Variants in ACAD11 observed in about 807,000 individuals in gnomAD.
The protein encoded by ACAD11 is acyl-Coenzyme A dehydrogenase family, member 11.
ACAD11 carries 83 observed loss-of-function variants against 102.2 expected under a neutral mutation model. The ratio of observed to expected loss-of-function variants is 0.81; its 90% CI spans 0.68 to 0.97. ACAD11 has a LOEUF of 0.97. Ranked by LOEUF, ACAD11 falls within the 50% of genes least tolerant of loss-of-function variation. The pLI is 0.00. For missense variants in ACAD11, 901 were observed against 951.7 expected, an observed-to-expected ratio of 0.95 and a Z score of 0.70; for synonymous variants, 324 against 319.8, an observed-to-expected ratio of 1.01 and a Z score of -0.14.
intron 1 of ACAD11, chr3:132,648,378 A>T (rs1221678588): frequency 6.6e-6 from 1 of 152,244 alleles, no homozygotes; most frequent in African/African-American, 2.4e-5. Context: ...AGAGCTAGAA[A>T]ATTAAATAAA....
chr3:132,626,391 C>CA (rs796100994), intron 9 of ACAD11, among the ~76,000 whole-genome samples: 136 of 135,278 alleles, frequency 1.0e-3, no homozygotes, highest in South Asian at 1.4e-3. Flanking sequence ...TCCATATTTA[C>CA]AAAAAAAAAA....
chr3:132,623,645 T>C (rs1394286868), intron 9 of ACAD11, among the ~76,000 whole-genome samples: 1 of 152,220 alleles, frequency 6.6e-6, no homozygotes, highest in African/African-American at 2.4e-5. Context: ...CAATCTTCCC[T>C]TTAAAGCTAT....
chr3:132,578,661 T>C (rs1937556447), intron 15 of ACAD11, 135 bp downstream of exon 15: 2 of 928,438 alleles, frequency 2.2e-6, no homozygotes, highest in East Asian at 5.3e-5. Context: ...CCAGCATTTA[T>C]ATTAAGACAG....
chr3:132,578,964 T>C, intron 14 of ACAD11, 83 bp from the exon 15 acceptor site: 1 of 1,581,768 alleles, frequency 6.3e-7, no homozygotes, highest in Non-Finnish European at 8.6e-7. Context: ...CAATTGTCTT[T>C]TTGATGTTTT....
intron 1 of ACAD11, among the ~76,000 whole-genome samples, chr3:132,648,061 A>C (rs891057152): frequency 1.3e-4 from 20 of 152,160 alleles, no homozygotes; most frequent in African/African-American, 4.8e-4. Context: ...GGATTTCAAC[A>C]TATGAATTTT....
chr3:132,574,296 A>G (rs192166809), intron 17 of ACAD11, among the ~76,000 whole-genome samples: 16 of 152,278 alleles, frequency 1.1e-4, no homozygotes, highest in Admixed American at 4.6e-4. Flanking sequence ...CTTCTTCAAC[A>G]GCATCAGAGG....
Position 132,659,671 on chromosome 3 carries a change from G to GGC in ACAD11, c.79_80dup (p.Tyr28ProfsTer3). The GGC allele has an allele frequency of 6.2e-7, 1 of 1,611,488 alleles. No individual in the cohort carries two copies. Among genetic ancestry groups the GGC allele is most frequent in the East Asian group, 2.2e-5 (1 of 44,572 alleles). The stretch of plus-strand genomic sequence containing the variant: ...AGCCAGACAAGTGCTGGTTTAGGTA[G>GGC]GCCTCCAGGGACTTGCTGTCGAACT... On this transcript the variant is annotated frameshift_variant, in exon 1 of 20. Coordinates refer to ENST00000264990, the MANE Select transcript of ACAD11 (RefSeq NM_032169.5). LOFTEE classifies it high-confidence loss of function.
intron 17 of ACAD11, among the ~76,000 whole-genome samples, chr3:132,569,203 A>G (rs1937307178): frequency 6.6e-6 from 1 of 152,190 alleles, no homozygotes; most frequent in African/African-American, 2.4e-5. Context: ...CAAAGAGGAC[A>G]TAAGATGGCA....
Position 132,605,097 on chromosome 3 carries a change from C to T in ACAD11, c.1522+1G>A. 1 of 1,608,652 alleles carries T rather than the reference C, an allele frequency of 6.2e-7. No individual in the cohort carries two copies. Among genetic ancestry groups the T allele is most frequent in the East Asian group, 2.2e-5 (1 of 44,784 alleles). Reference sequence around the variant, plus strand: ...AGGAGAGAATGGTGATTGGCATTTACCTGTCATACAGAAGCAAGAGGTAAT... The same window carrying T: ...AGGAGAGAATGGTGATTGGCATTTATCTGTCATACAGAAGCAAGAGGTAAT... On this transcript the variant is annotated splice_donor_variant, in intron 12 of 19. Transcript: ENST00000264990. LOFTEE classifies it high-confidence loss of function.
intron 11 of ACAD11, among the ~76,000 whole-genome samples, chr3:132,610,912 C>T (rs569239878): frequency 1.3e-5 from 2 of 152,108 alleles, no homozygotes; most frequent in African/African-American, 4.8e-5. Context: ...CTGGCAGAGA[C>T]ACAATAAAAA....
chr3:132,641,596 AGAAGAAGAGGAG>A (rs1374787366), intron 4 of ACAD11, among the ~76,000 whole-genome samples: 137 of 117,470 alleles, frequency 1.2e-3, no homozygotes, highest in Middle Eastern at 3.9e-3. Flanking sequence ...AAGAAGAAGA[AGAAGAAGAGGAG>A]GAAGAAGAGG....
At chr3:132,561,048 A>G in intron 18 of ACAD11, 53 bp downstream of exon 18, 1 of 1,356,434 alleles carries the variant, frequency 7.4e-7, no homozygotes, top group African/African-American at 1.4e-5. Flanking sequence ...AACAGGTGAG[A>G]GAACTGGAGA....
At chr3:132,578,956 A>G (rs1002647211) in intron 14 of ACAD11, 75 bp from the exon 15 acceptor site, 1 of 1,592,644 alleles carries the variant, frequency 6.3e-7, no homozygotes, top group Non-Finnish European at 8.6e-7. Flanking sequence ...CAGAATCACA[A>G]TTGTCTTTTT....
chr3:132,583,244 T>C (rs566966599), intron 13 of ACAD11, among the ~76,000 whole-genome samples: 12 of 152,362 alleles, frequency 7.9e-5, no homozygotes, highest in Admixed American at 2.6e-4. Context: ...TATTGGTCTA[T>C]TCAGAGATTC....
intron 13 of ACAD11, among the ~76,000 whole-genome samples, chr3:132,602,661 A>C (rs1938664060): frequency 6.6e-6 from 1 of 152,192 alleles, no homozygotes; most frequent in Non-Finnish European, 1.5e-5. Flanking sequence ...GCACTAATGA[A>C]TTTTATCTCT....
At chr3:132,620,867 G>A (rs1939581760) in intron 9 of ACAD11, among the ~76,000 whole-genome samples, 1 of 152,090 alleles carries the variant, frequency 6.6e-6, no homozygotes, top group Non-Finnish European at 1.5e-5. Flanking sequence ...TCCTTTACTA[G>A]CTTAAGCAAT....
chr3:132,561,016 T>C, intron 18 of ACAD11, 85 bp downstream of exon 18: 1 of 1,016,134 alleles, frequency 9.8e-7, no homozygotes, highest in East Asian at 2.4e-5. Flanking sequence ...GCCATCAAGA[T>C]GCCATGAAAA....
Position 132,630,644 on chromosome 3 carries a change from A to T in ACAD11, c.842-86T>A, listed in dbSNP as rs192616772. ...GTTATGAGACTGAGACGCATATGTA[A>T]AACGGAATGTAATAACCATTAGCCC... On this transcript the variant is annotated intron_variant, in intron 6 of 19. Coordinates refer to ENST00000264990, the MANE Select transcript of ACAD11 (RefSeq NM_032169.5). 4.1e-6 allele frequency: 5 copies of T among 1,220,948 alleles called. No homozygotes were observed. In the East Asian group the frequency reaches 1.2e-4, roughly 30 times the overall value. 75.6% of individuals were successfully genotyped at this position (1,220,948 alleles called of 1,614,324 possible). A position where few individuals can be genotyped will look rare whatever the true frequency, so the allele number is the denominator to read the frequency against.
intron 17 of ACAD11, among the ~76,000 whole-genome samples, chr3:132,567,963 T>A (rs1342650614): frequency 6.6e-6 from 1 of 150,686 alleles, no homozygotes; most frequent in Non-Finnish European, 1.5e-5. Context: ...CTATGTAAAA[T>A]CCCAAGCAAT....
Sources: gnomAD v4.1 joint callset for allele counts (sites outside exome capture counted in the v4.1 genomes callset) on GRCh38, gnomAD v4.1.1 for gene constraint, MANE v1.5 for transcripts, NCBI Gene and HGNC (gene_info 2026-07-23, HGNC 2026-07-21) for gene names.